MPDZ: variants seen among roughly 807,000 people sequenced by gnomAD.
MPDZ encodes the protein multiple PDZ domain crumbs cell polarity complex component, also known as multiple PDZ domain protein.
A neutral mutation model predicts 239.1 loss-of-function variants in MPDZ; 234 were observed. That is an observed-to-expected ratio of 0.98 (90% CI 0.88 to 1.09). The LOEUF (loss-of-function observed/expected upper bound fraction) is 1.09. Among genes scored for constraint, MPDZ ranks in the 50% least tolerant of loss-of-function variants. MPDZ has a pLI of 0.00. For missense variants in MPDZ, 3,175 were observed against 2,510.0 expected, an observed-to-expected ratio of 1.26 and a Z score of -5.66; for synonymous variants, 1,048 against 881.3, an observed-to-expected ratio of 1.19 and a Z score of -3.35.
rs750503190 is a variant in MPDZ at position 13,206,028 on chromosome 9, A to C, written c.1362T>G (p.Thr454=). ...AVEVLRHTGQ[T]VLLTLMRRGM... ...CTCTCCTCATTAGTGTCAGGAGCAC[A>C]GTTTGTCCTGTATGTCGCAATACCT... Residue 454 remains threonine (T), a synonymous_variant, in exon 11 of 47, where the codon ACT becomes ACG. Transcript: ENST00000319217. 1 of 1,612,852 alleles carries C rather than the reference A, an allele frequency of 6.2e-7. No homozygotes were observed. Among genetic ancestry groups the C allele is most frequent in the South Asian group, 1.1e-5 (1 of 91,004 alleles).
chr9:13,151,461 T>A (rs1452786764), intron 24 of MPDZ, among the ~76,000 whole-genome samples: 3 of 152,090 alleles, frequency 2.0e-5, no homozygotes, highest in Non-Finnish European at 4.4e-5. Context: ...CCTTTAAAAA[T>A]GAAATTCTGA....
chr9:13,153,604 C>T (rs990811855), intron 24 of MPDZ, among the ~76,000 whole-genome samples: 6 of 152,062 alleles, frequency 3.9e-5, no homozygotes, highest in African/African-American at 1.4e-4. Flanking sequence ...TCCCTAAGTG[C>T]TGAGATTATA....
intron 27 of MPDZ, among the ~76,000 whole-genome samples, chr9:13,142,548 A>G (rs10756456): frequency 0.48 from 73,509 of 151,938 alleles, 21,254 homozygotes; most frequent in African/African-American, 0.82. Flanking sequence ...ACTCCATGCC[A>G]TGTATGTATA....
intron 1 of MPDZ, among the ~76,000 whole-genome samples, chr9:13,277,751 G>C (rs955269627): frequency 1.7e-4 from 26 of 152,084 alleles, no homozygotes; most frequent in African/African-American, 6.0e-4. Context: ...TTTTAGTAGA[G>C]ACAGGGTTTC....
At position 13,168,456 on chromosome 9, in the gene MPDZ, A is replaced by C. The variant is rs1951365266; in HGVS notation, c.3164T>G (p.Leu1055Trp). 3.1e-6 allele frequency: 5 copies of C among 1,613,550 alleles called. No individual in the cohort carries two copies. Among genetic ancestry groups the C allele is most frequent in the Non-Finnish European group, 4.2e-6 (5 of 1,179,564 alleles). ...DGRIAIGDCI[L>W]SINEESTISV... ...GATGGTAGACTCTTCATTAATGGACAAGATGCAGTCCCCAATGGCAATCCG... is the reference window on the plus strand; with the variant it reads ...GATGGTAGACTCTTCATTAATGGACCAGATGCAGTCCCCAATGGCAATCCG... Residue 1055 changes from leucine (L) to tryptophan (W), a missense_variant, in exon 22 of 47, where the codon TTG becomes TGG. Physicochemically the swap from Leu to Trp is moderately conservative, Grantham distance 61. Coordinates refer to ENST00000319217, the MANE Select transcript of MPDZ (RefSeq NM_001378778.1).
At chr9:13,115,122 G>GC in intron 40 of MPDZ, 126 bp downstream of exon 40, 1 of 706,102 alleles carries the variant, frequency 1.4e-6, no homozygotes, top group Non-Finnish European at 2.4e-6. Context: ...CTCAAACTCT[G>GC]CACCTCAGTC....
chr9:13,147,604 G>T lies in MPDZ; in HGVS notation c.3685C>A (p.Arg1229=), dbSNP rs530316767. 1 of 1,612,326 alleles carries T rather than the reference G, an allele frequency of 6.2e-7. No individual in the cohort carries two copies. The highest frequency in any genetic ancestry group is 1.1e-5 in the South Asian group (1 of 91,012). ...AAGACTACAGGGTTGCCTGCTTTCCGAATGGCTTCCACAGCTTGTTCATGG... is the reference window on the plus strand; with the variant it reads ...AAGACTACAGGGTTGCCTGCTTTCCTAATGGCTTCCACAGCTTGTTCATGG... ...ASHEQAVEAI[R]KAGNPVVFMV... Residue 1229 remains arginine, a synonymous_variant, in exon 26 of 47, where the codon CGG becomes AGG. Transcript: ENST00000319217.
intron 10 of MPDZ, among the ~76,000 whole-genome samples, chr9:13,215,802 C>T (rs150559904): frequency 9.6e-6 from 1 of 104,406 alleles, no homozygotes; most frequent in Non-Finnish European, 1.7e-5. Context: ...AGATCTCATT[C>T]TGCTGCCCAG....
intron 24 of MPDZ, among the ~76,000 whole-genome samples, chr9:13,156,735 TC>T (rs944699877): frequency 4.6e-5 from 7 of 151,546 alleles, no homozygotes; most frequent in Non-Finnish European, 7.3e-5. Context: ...GACCAACCTA[TC>T]TTTTTTTCCT....
At chr9:13,111,949 T>A (rs529492972) in intron 43 of MPDZ, 75 bp downstream of exon 43, 4 of 1,500,102 alleles carry the variant, frequency 2.7e-6, no homozygotes, top group African/African-American at 1.4e-5. Flanking sequence ...TTGCAACAGG[T>A]AGCCAGGTTC....
chr9:13,127,909 A>C (rs1403171393), intron 32 of MPDZ, among the ~76,000 whole-genome samples: 1 of 152,194 alleles, frequency 6.6e-6, no homozygotes. Flanking sequence ...TACGAAATCT[A>C]GATTTTCTTA....
At chr9:13,253,467 C>A (rs947960035) in intron 1 of MPDZ, among the ~76,000 whole-genome samples, 10 of 152,168 alleles carry the variant, frequency 6.6e-5, no homozygotes, top group African/African-American at 2.4e-4. Flanking sequence ...TAATTATAAA[C>A]AAACTCATCT....
intron 38 of MPDZ, chr9:13,120,395 G>A (rs1351347679): frequency 6.6e-6 from 1 of 152,142 alleles, no homozygotes; most frequent in African/African-American, 2.4e-5. Context: ...CCCATCTTTA[G>A]AAACAGGGTA....
chr9:13,212,695 A>G (rs1218233326), intron 10 of MPDZ, among the ~76,000 whole-genome samples: 2 of 150,702 alleles, frequency 1.3e-5, no homozygotes, highest in Non-Finnish European at 3.0e-5. Context: ...GATCCAGGCC[A>G]GGTGCGGTGG....
At chr9:13,275,512 C>T (rs545899404) in intron 1 of MPDZ, among the ~76,000 whole-genome samples, 83 of 152,302 alleles carry the variant, frequency 5.4e-4, no homozygotes, top group African/African-American at 2.0e-3. Context: ...TTTGTCAAGG[C>T]AGCCCTATCA....
In MPDZ at chr9:13,225,774, A is replaced by G. The variant is rs142435643; in HGVS notation, c.184-1191T>C. Among the ~76,000 whole-genome samples the G allele has an allele frequency of 4.4e-3, 668 of 152,176 alleles. 1 individual carries two copies. The highest frequency in any genetic ancestry group is 6.7e-3 in the Non-Finnish European group (459 of 68,004). ...AAGTATACCCTACGATGTTTGCACA[A>G]GGATGAAATCACCTAATGACACATG... is the stretch of plus-strand genomic sequence containing the variant. On this transcript the variant is annotated intron_variant, in intron 3 of 46. Coordinates refer to ENST00000319217, the MANE Select transcript of MPDZ (RefSeq NM_001378778.1).
intron 1 of MPDZ, among the ~76,000 whole-genome samples, chr9:13,273,387 T>C (rs926973222): frequency 9.9e-5 from 15 of 152,226 alleles, no homozygotes; most frequent in African/African-American, 3.1e-4. Context: ...CACAGAAGGA[T>C]AGCTTCTCAT....
At chr9:13,270,825 T>C (rs1972789226) in intron 1 of MPDZ, among the ~76,000 whole-genome samples, 1 of 152,140 alleles carries the variant, frequency 6.6e-6, no homozygotes, top group African/African-American at 2.4e-5. Flanking sequence ...TTGTAACATA[T>C]ACAGAATGGC....
Position 13,219,747 on chromosome 9 carries a change from C to T in MPDZ, c.898G>A (p.Asp300Asn), listed in dbSNP as rs1321200185. 1 of 1,612,532 alleles carries T rather than the reference C, an allele frequency of 6.2e-7. No homozygotes were observed. The highest frequency in any genetic ancestry group is 1.1e-5 in the South Asian group (1 of 91,062). Residue 300 changes from aspartate to asparagine, a missense_variant, in exon 8 of 47, where the codon GAC becomes AAC. Transcript: ENST00000319217. Reference protein sequence around the residue: ...ADQHGRLCSGDHILKIGDTDL... With the variant: ...ADQHGRLCSGNHILKIGDTDL... ...GTGTCACCAATCTTTAGAATGTGGT[C>T]TCCACTGCATAAACGCCCATGCTGA... is the stretch of plus-strand genomic sequence containing the variant.
Sources: gnomAD v4.1 joint callset for allele counts (sites outside exome capture counted in the v4.1 genomes callset) on GRCh38, gnomAD v4.1.1 for gene constraint, MANE v1.5 for transcripts, NCBI Gene and HGNC (gene_info 2026-07-23, HGNC 2026-07-21) for gene names.